Variants in SFXN1 observed in about 807,000 individuals in gnomAD.
SFXN1 encodes the protein sideroflexin 1.
In SFXN1, 32 loss-of-function variants were observed where a neutral mutation model predicts 39.5. The observed-to-expected ratio is 0.81, with a 90% confidence interval of 0.61 to 1.09. The LOEUF (loss-of-function observed/expected upper bound fraction) is 1.09. Ranked by LOEUF, SFXN1 falls within the 50% of genes least tolerant of loss-of-function variation. The pLI, the probability that SFXN1 is intolerant of heterozygous loss-of-function variation, is 0.00. For synonymous variants in SFXN1, 136 were observed against 146.5 expected (o/e 0.93, Z 0.52); for missense variants, 402 against 407.1 (o/e 0.99, Z 0.11).
chr5:175,515,699 C>G (rs1760691884), intron 7 of SFXN1, among the ~76,000 whole-genome samples: 1 of 152,160 alleles, frequency 6.6e-6, no homozygotes, highest in Non-Finnish European at 1.5e-5. Context: ...GGTCCCAAAC[C>G]TTTTTAGCAC....
chr5:175,517,276 C>T (rs988036513), intron 8 of SFXN1, among the ~76,000 whole-genome samples: 1 of 152,180 alleles, frequency 6.6e-6, no homozygotes. Context: ...GTGTTCTCCC[C>T]ACTTTCATCT....
At chr5:175,513,794 G>A in intron 7 of SFXN1, 1 of 489,378 alleles carries the variant, frequency 2.0e-6, no homozygotes, top group Admixed American at 3.3e-5. Flanking sequence ...AGGGCGTGTG[G>A]GTAGGGCAGC....
chr5:175,509,919 C>T (rs767066680), intron 3 of SFXN1, among the ~76,000 whole-genome samples, 190 bp from the exon 4 acceptor site: 4 of 152,112 alleles, frequency 2.6e-5, no homozygotes, highest in Admixed American at 1.3e-4. Flanking sequence ...TCTATATCTA[C>T]GGAATGAGGA....
intron 2 of SFXN1, among the ~76,000 whole-genome samples, chr5:175,502,969 C>T (rs756350671): frequency 1.3e-5 from 2 of 152,142 alleles, no homozygotes; most frequent in Non-Finnish European, 2.9e-5. Flanking sequence ...AGAGGTCAGA[C>T]ACAAAATACA....
chr5:175,487,909 A>G (rs2113268389), intron 1 of SFXN1, among the ~76,000 whole-genome samples: 2 of 152,250 alleles, frequency 1.3e-5, no homozygotes, highest in Middle Eastern at 6.8e-3. Context: ...TAAGATGTCA[A>G]GAAATCCTGC....
At chr5:175,512,947 T>TA (rs1272060376) in intron 6 of SFXN1, among the ~76,000 whole-genome samples, 2 of 152,204 alleles carry the variant, frequency 1.3e-5, no homozygotes, top group African/African-American at 4.8e-5. Context: ...AAAAGTTTAC[T>TA]AGTGTTGTTT....
Position 175,513,462 on chromosome 5 carries a change from G to T in SFXN1, c.597-1G>T. On this transcript the variant is annotated splice_acceptor_variant, in intron 6 of 10. Transcript: ENST00000321442. LOFTEE classifies it high-confidence loss of function. Reference sequence around the variant, plus strand: ...CTCTCTGTATGTGTTTTGCTCTGCAGGGAACTCAAAGTTGGCATTCCCGTC... The same window carrying T: ...CTCTCTGTATGTGTTTTGCTCTGCATGGAACTCAAAGTTGGCATTCCCGTC... The T allele has an allele frequency of 6.2e-7, 1 of 1,613,728 alleles. No individual in the cohort carries two copies. Among genetic ancestry groups the T allele is most frequent in the South Asian group, 1.1e-5 (1 of 91,044 alleles).
chr5:175,490,991 T>A (rs71597333), intron 1 of SFXN1, among the ~76,000 whole-genome samples: 5,586 of 152,318 alleles, frequency 0.037, 141 homozygotes, highest in South Asian at 0.12. Context: ...TATGGGAGAT[T>A]TTGTTTCTTT....
rs1458975014 is a variant in SFXN1 at position 175,511,490 on chromosome 5, C to T, written c.474C>T (p.Ala158=). The change falls in exon 5 of 11, where the codon GCC becomes GCT. Residue 158 remains alanine, a synonymous_variant. Coordinates refer to ENST00000321442, the MANE Select transcript of SFXN1 (RefSeq NM_022754.7). The part of the protein sequence containing the change: ...GTAYVSATTG[A]VATALGLNAL... ...CTTACGTTTCTGCAACAACTGGTGCCGTAGCAACAGCTCTAGGACTCAATG... is the reference window on the plus strand; with the variant it reads ...CTTACGTTTCTGCAACAACTGGTGCTGTAGCAACAGCTCTAGGACTCAATG... 8.1e-6 allele frequency: 13 copies of T among 1,613,924 alleles called. No homozygotes were observed. Among genetic ancestry groups the T allele is most frequent in the South Asian group, 1.1e-5 (1 of 91,086 alleles).
intron 8 of SFXN1, among the ~76,000 whole-genome samples, chr5:175,521,663 C>A (rs1760882768): frequency 6.6e-6 from 1 of 152,206 alleles, no homozygotes; most frequent in Non-Finnish European, 1.5e-5. Context: ...TATACCCAAG[C>A]AGTGCTCAGA....
At chr5:175,498,179 A>C (rs539877196) in intron 2 of SFXN1, among the ~76,000 whole-genome samples, 14 of 152,306 alleles carry the variant, frequency 9.2e-5, no homozygotes, top group African/African-American at 2.9e-4. Context: ...ATAGCTTTAC[A>C]TATCTCTGTG....
intron 1 of SFXN1, among the ~76,000 whole-genome samples, chr5:175,488,538 A>G (rs1311936319): frequency 6.6e-6 from 1 of 151,940 alleles, no homozygotes; most frequent in Non-Finnish European, 1.5e-5. Context: ...ACCTCAGGTG[A>G]TCCGCCCGCC....
intron 1 of SFXN1, among the ~76,000 whole-genome samples, chr5:175,479,117 G>C (rs1759138811): frequency 6.6e-6 from 1 of 152,242 alleles, no homozygotes; most frequent in South Asian, 2.1e-4. Context: ...TCCTGCCCTA[G>C]AACTCGCAAT....
At chr5:175,507,349 G>A (rs924829241) in intron 2 of SFXN1, among the ~76,000 whole-genome samples, 1 of 152,116 alleles carries the variant, frequency 6.6e-6, no homozygotes, top group Non-Finnish European at 1.5e-5. Context: ...GAATTTTGGG[G>A]GAGACACTGT....
intron 1 of SFXN1, among the ~76,000 whole-genome samples, chr5:175,487,834 A>T (rs836047): frequency 0.65 from 98,690 of 151,834 alleles, 32,535 homozygotes; most frequent in African/African-American, 0.73. Flanking sequence ...GGCCCTCTCC[A>T]CCTCCAGTTT....
At chr5:175,487,925 C>T (rs137993239) in intron 1 of SFXN1, among the ~76,000 whole-genome samples, 219 of 152,254 alleles carry the variant, frequency 1.4e-3, no homozygotes, top group Non-Finnish European at 2.8e-3. Context: ...CCTGCTGGCA[C>T]CATTGAAGAA....
At chr5:175,518,944 T>C (rs1037373108) in intron 8 of SFXN1, among the ~76,000 whole-genome samples, 4 of 151,908 alleles carry the variant, frequency 2.6e-5, no homozygotes, top group Non-Finnish European at 5.9e-5. Context: ...ATACAGAAAA[T>C]GAAAAGAGAA....
At chr5:175,514,657 G>A (rs1760653962) in intron 7 of SFXN1, among the ~76,000 whole-genome samples, 1 of 152,192 alleles carries the variant, frequency 6.6e-6, no homozygotes, top group African/African-American at 2.4e-5. Flanking sequence ...TTTTGTCACT[G>A]TGACTGCTCA....
intron 10 of SFXN1, among the ~76,000 whole-genome samples, chr5:175,526,398 T>C (rs1761061170): frequency 6.6e-6 from 1 of 152,214 alleles, no homozygotes; most frequent in South Asian, 2.1e-4. Context: ...AGATTTCACC[T>C]TTTAATGATA....
Sources: gnomAD v4.1 joint callset for allele counts (sites outside exome capture counted in the v4.1 genomes callset) on GRCh38, gnomAD v4.1.1 for gene constraint, MANE v1.5 for transcripts, NCBI Gene and HGNC (gene_info 2026-07-23, HGNC 2026-07-21) for gene names.